Variants in NXN observed in about 807,000 individuals in gnomAD.
NXN encodes nucleoredoxin.
A neutral mutation model predicts 48.6 loss-of-function variants in NXN; 16 were observed. The ratio of observed to expected loss-of-function variants is 0.33; its 90% CI spans 0.22 to 0.50. The LOEUF (loss-of-function observed/expected upper bound fraction) is 0.50, where lower values mean the gene tolerates loss of function less well. NXN is among the 20% of genes least tolerant of loss of function. NXN has a pLI of 0.98. For missense variants in NXN, 492 were observed against 605.5 expected, an observed-to-expected ratio of 0.81 and a Z score of 1.97; for synonymous variants, 281 against 269.6, an observed-to-expected ratio of 1.04 and a Z score of -0.41.
chr17:889,761 A>AAGAAAAAGAAAG lies in NXN; in HGVS notation c.361-63684_361-63683insCTTTCTTTTTCT, dbSNP rs1555619043. Among the ~76,000 whole-genome samples the AAGAAAAAGAAAG allele has an allele frequency of 1.0e-3, 73 of 70,800 alleles. 1 individual carries two copies. Among genetic ancestry groups the AAGAAAAAGAAAG allele is most frequent in the South Asian group, 3.2e-3 (7 of 2,166 alleles). 46.4% of individuals were successfully genotyped at this position (70,800 alleles called of 152,430 possible). ...AAAGAAAGAAAGAAAGAAAGAAAGA[A>AAGAAAAAGAAAG]AAAGAAAGAAAGAAAAGAGAGAGAA... On this transcript the variant is annotated intron_variant, in intron 1 of 7. Transcript: ENST00000336868.
At chr17:914,905 G>A (rs1289943343) in intron 1 of NXN, among the ~76,000 whole-genome samples, 1 of 152,092 alleles carries the variant, frequency 6.6e-6, no homozygotes, top group African/African-American at 2.4e-5. Flanking sequence ...TATTAAAGGG[G>A]GTGAAATCGC....
At chr17:853,922 A>G (rs902297804) in intron 1 of NXN, among the ~76,000 whole-genome samples, 11 of 151,476 alleles carry the variant, frequency 7.3e-5, no homozygotes, top group South Asian at 2.1e-4. Context: ...GGGTTTCTCC[A>G]TGTTAGCCAG....
chr17:946,820 TC>T (rs2069049399), intron 1 of NXN, among the ~76,000 whole-genome samples: 1 of 151,766 alleles, frequency 6.6e-6, no homozygotes, highest in African/African-American at 2.4e-5. Flanking sequence ...CGTCACAGAG[TC>T]CTTGGGAGAA....
At chr17:952,021 C>T (rs74680784) in intron 1 of NXN, among the ~76,000 whole-genome samples, 7,355 of 151,186 alleles carry the variant, frequency 0.049, 260 homozygotes, top group Middle Eastern at 0.094. Context: ...ATCACCACCG[C>T]TCCCTCATGG....
chr17:871,443 C>T (rs1416440678), intron 1 of NXN, among the ~76,000 whole-genome samples: 1 of 136,548 alleles, frequency 7.3e-6, no homozygotes, highest in African/African-American at 2.8e-5. Flanking sequence ...CTCATCGTGT[C>T]CCCCAGGCTG....
intron 1 of NXN, among the ~76,000 whole-genome samples, chr17:931,152 T>C (rs1220579148): frequency 1.3e-5 from 2 of 152,046 alleles, no homozygotes; most frequent in Non-Finnish European, 2.9e-5. Context: ...CCGGGTGTGG[T>C]GTCGCACGCC....
At chr17:971,087 C>G (rs1375592502) in intron 1 of NXN, among the ~76,000 whole-genome samples, 3 of 151,706 alleles carry the variant, frequency 2.0e-5, no homozygotes, top group Non-Finnish European at 4.4e-5. Flanking sequence ...GCTCGGATTA[C>G]AGGCATGCAC....
At chr17:853,634 G>A (rs1312876252) in intron 1 of NXN, among the ~76,000 whole-genome samples, 2 of 150,384 alleles carry the variant, frequency 1.3e-5, no homozygotes, top group Non-Finnish European at 3.0e-5. Flanking sequence ...GTTTAGACCA[G>A]GTGCTGTATA....
chr17:942,359 C>T (rs1286262009), intron 1 of NXN, among the ~76,000 whole-genome samples: 59 of 26,078 alleles, frequency 2.3e-3, no homozygotes, highest in African/African-American at 8.3e-3. Context: ...CAGCCATGAA[C>T]TCACATCACA....
At chr17:840,540 C>T (rs1348513453) in intron 1 of NXN, among the ~76,000 whole-genome samples, 4 of 152,090 alleles carry the variant, frequency 2.6e-5, no homozygotes, top group African/African-American at 7.2e-5. Flanking sequence ...AGGGTTTCAC[C>T]ATGTTAGCCA....
intron 1 of NXN, among the ~76,000 whole-genome samples, chr17:979,106 GA>G (rs1286358422): frequency 0.078 from 3,087 of 39,618 alleles, 304 homozygotes; most frequent in African/African-American, 0.25. Context: ...GCACAGCGCG[GA>G]AGGGGGGGGG....
At chr17:930,603 A>G (rs2068843293) in intron 1 of NXN, among the ~76,000 whole-genome samples, 1 of 152,176 alleles carries the variant, frequency 6.6e-6, no homozygotes, top group Non-Finnish European at 1.5e-5. Context: ...GGTACAAAAA[A>G]TAGGAAGGAA....
At chr17:852,157 A>G (rs536539068) in intron 1 of NXN, among the ~76,000 whole-genome samples, 46 of 152,354 alleles carry the variant, frequency 3.0e-4, no homozygotes, top group Admixed American at 1.1e-3. Context: ...CGCAGCCTCT[A>G]GAAGGCTCTT....
chr17:818,652 G>A (rs370711479), intron 5 of NXN, among the ~76,000 whole-genome samples: 3 of 152,156 alleles, frequency 2.0e-5, no homozygotes, highest in Non-Finnish European at 2.9e-5. Context: ...TTGGGAGGTC[G>A]AGGCGGGCAG....
chr17:811,962 C>T (rs1453840102), intron 5 of NXN, among the ~76,000 whole-genome samples: 2 of 121,346 alleles, frequency 1.6e-5, no homozygotes, highest in Non-Finnish European at 3.2e-5. Context: ...GAGTCTCGCT[C>T]TGTCGCCCAG....
intron 1 of NXN, among the ~76,000 whole-genome samples, chr17:885,713 C>T (rs1467147964): frequency 8.0e-6 from 1 of 125,454 alleles, no homozygotes; most frequent in Non-Finnish European, 1.6e-5. Flanking sequence ...GACAGAGTCG[C>T]TCTGTCCCCC....
At chr17:865,455 T>A (rs1406970996) in intron 1 of NXN, among the ~76,000 whole-genome samples, 2 of 150,248 alleles carry the variant, frequency 1.3e-5, no homozygotes, top group Non-Finnish European at 3.0e-5. Flanking sequence ...TTGGTCAGGC[T>A]GGTCTCGAAC....
At chr17:895,306 C>T (rs1186413196) in intron 1 of NXN, among the ~76,000 whole-genome samples, 5 of 151,732 alleles carry the variant, frequency 3.3e-5, no homozygotes, top group Admixed American at 1.3e-4. Flanking sequence ...CATGAGCCAC[C>T]GCGCCTGGCC....
chr17:903,943 T>C (rs615601), intron 1 of NXN, among the ~76,000 whole-genome samples: 20,362 of 152,118 alleles, frequency 0.13, 2,699 homozygotes, highest in African/African-American at 0.35. Context: ...TCACGCTCCC[T>C]TGTTTGTGGT....
Sources: allele counts gnomAD v4.1 joint callset (sites outside exome capture counted in the v4.1 genomes callset), GRCh38; gene constraint gnomAD v4.1.1; transcripts MANE v1.5; gene names NCBI Gene and HGNC (gene_info 2026-07-23, HGNC 2026-07-21).